The following TRPM3 variants were observed in gnomAD, a reference collection of about 807,000 sequenced individuals.
TRPM3 encodes the protein transient receptor potential cation channel subfamily M member 3.
TRPM3 carries 77 observed loss-of-function variants against 181.2 expected under a neutral mutation model. The ratio of observed to expected loss-of-function variants is 0.42; its 90% CI spans 0.35 to 0.51. TRPM3 has a LOEUF of 0.51. Among genes scored for constraint, TRPM3 ranks in the 20% least tolerant of loss-of-function variants. The pLI, the probability that TRPM3 is intolerant of heterozygous loss-of-function variation, is 0.01. For synonymous variants in TRPM3, 745 were observed against 796.4 expected (o/e 0.94, Z 1.09); for missense variants, 1,759 against 2,196.7 (o/e 0.80, Z 3.98).
chr9:70,560,402 A>C (rs2131990103), intron 22 of TRPM3, among the ~76,000 whole-genome samples: 1 of 152,350 alleles, frequency 6.6e-6, no homozygotes, highest in East Asian at 1.9e-4. Context: ...TTGCCAATGT[A>C]ATATTAGTGG....
At chr9:71,218,120 T>C (rs2080009803) in intron 1 of TRPM3, among the ~76,000 whole-genome samples, 1 of 152,236 alleles carries the variant, frequency 6.6e-6, no homozygotes, top group Admixed American at 6.5e-5. Flanking sequence ...CGTGGTTATT[T>C]AAATTTTAAT....
intron 1 of TRPM3, among the ~76,000 whole-genome samples, chr9:71,147,594 G>C (rs1010668773): frequency 2.6e-5 from 4 of 152,128 alleles, no homozygotes; most frequent in Non-Finnish European, 5.9e-5. Flanking sequence ...ACCCTCAAGA[G>C]ATCTGCGTTG....
intron 1 of TRPM3, among the ~76,000 whole-genome samples, chr9:71,196,464 A>G (rs1026557662): frequency 6.6e-6 from 1 of 151,782 alleles, no homozygotes; most frequent in South Asian, 2.1e-4. Context: ...TGCATATTCA[A>G]TATTTGCATA....
chr9:70,785,845 G>C (rs1030819695), intron 6 of TRPM3, among the ~76,000 whole-genome samples: 1 of 152,172 alleles, frequency 6.6e-6, no homozygotes, highest in Admixed American at 6.5e-5. Flanking sequence ...TGTTTTGCAT[G>C]TCCACTTAAA....
intron 1 of TRPM3, among the ~76,000 whole-genome samples, chr9:71,442,037 GTT>G (rs924928935): frequency 4.6e-5 from 7 of 152,202 alleles, no homozygotes; most frequent in Non-Finnish European, 8.8e-5. Context: ...CGAATGGTAG[GTT>G]TGTTTGTGGA....
chr9:71,165,483 T>C (rs1391810246), intron 1 of TRPM3, among the ~76,000 whole-genome samples: 1 of 152,040 alleles, frequency 6.6e-6, no homozygotes, highest in East Asian at 1.9e-4. Context: ...TAACAGCATG[T>C]TGAGTGGGAC....
chr9:71,174,680 CT>C (rs1204019986), intron 1 of TRPM3, among the ~76,000 whole-genome samples: 1 of 152,056 alleles, frequency 6.6e-6, no homozygotes. Context: ...CCATGAAAAA[CT>C]TTTAAAAACA....
chr9:70,871,719 C>A (rs115551435), intron 1 of TRPM3, among the ~76,000 whole-genome samples: 38 of 152,124 alleles, frequency 2.5e-4, no homozygotes, highest in African/African-American at 7.9e-4. Flanking sequence ...CAATGCAACT[C>A]CCAACAGGGT....
chr9:70,868,997 T>A, intron 1 of TRPM3: 2 of 985,208 alleles, frequency 2.0e-6, no homozygotes, highest in Non-Finnish European at 2.4e-6. Flanking sequence ...TGAGCACTGA[T>A]TCTGGGTACT....
intron 17 of TRPM3, among the ~76,000 whole-genome samples, chr9:70,618,454 T>C (rs2133160403): frequency 6.6e-6 from 1 of 152,352 alleles, no homozygotes; most frequent in South Asian, 2.1e-4. Context: ...GCACATCTGG[T>C]AAGAGCCAAT....
intron 2 of TRPM3, 102 bp from the exon 3 acceptor site, chr9:70,863,214 G>T: frequency 2.1e-6 from 2 of 935,428 alleles, no homozygotes; most frequent in Non-Finnish European, 3.2e-6. Flanking sequence ...GCCAACACCT[G>T]TCAGTCAATT....
At chr9:71,226,863 A>G (rs895598089) in intron 1 of TRPM3, among the ~76,000 whole-genome samples, 2 of 152,056 alleles carry the variant, frequency 1.3e-5, no homozygotes, top group Admixed American at 1.3e-4. Flanking sequence ...ACAAAAAATC[A>G]AACTTAATCT....
In TRPM3 at chr9:70,553,013, G is replaced by T. The variant is rs2046830547; in HGVS notation, c.3405C>A (p.Ser1135=). ...NNTFFEVKSI[S]NQVWKFQRYQ... is the part of the protein sequence containing the mutation. The stretch of plus-strand genomic sequence containing the variant: ...ACCTCTGAAACTTCCAGACTTGGTT[G>T]GATATCGATTTTACTTCAAAAAATG... Residue 1135 remains serine, a synonymous_variant, in exon 24 of 26, where the codon TCC becomes TCA. Coordinates refer to ENST00000677713, the MANE Select transcript of TRPM3 (RefSeq NM_001366145.2). The T allele has an allele frequency of 1.2e-6, 2 of 1,614,134 alleles. No individual in the cohort carries two copies. Among genetic ancestry groups the T allele is most frequent in the East Asian group, 2.2e-5 (1 of 44,884 alleles).
chr9:71,170,871 A>G (rs1353997210), intron 1 of TRPM3, among the ~76,000 whole-genome samples: 1 of 152,208 alleles, frequency 6.6e-6, no homozygotes, highest in East Asian at 1.9e-4. Context: ...GGAATAAGAG[A>G]GATAACCTTA....
intron 22 of TRPM3, among the ~76,000 whole-genome samples, chr9:70,570,305 T>A (rs1335193374): frequency 1.7e-4 from 2 of 11,768 alleles, no homozygotes; most frequent in Non-Finnish European, 5.9e-4. Flanking sequence ...TACTAGAGTT[T>A]TTTTTTTTTT....
At chr9:71,420,623 AAAAG>A (rs1472855366) in intron 1 of TRPM3, among the ~76,000 whole-genome samples, 9 of 144,330 alleles carry the variant, frequency 6.2e-5, no homozygotes, top group Admixed American at 1.4e-4. Context: ...GAAAGACAGA[AAAAG>A]AAAAAGAAAA....
intron 1 of TRPM3, among the ~76,000 whole-genome samples, chr9:71,441,312 T>G (rs1355932212): frequency 6.6e-6 from 1 of 152,152 alleles, no homozygotes; most frequent in Non-Finnish European, 1.5e-5. Flanking sequence ...CCCTTTTTTA[T>G]TTTTTTAACA....
chr9:71,368,656 A>C (rs917595398), intron 1 of TRPM3, among the ~76,000 whole-genome samples: 4 of 152,248 alleles, frequency 2.6e-5, no homozygotes, highest in Admixed American at 1.3e-4. Flanking sequence ...TAACAGCTTT[A>C]ATGATTTACT....
intron 1 of TRPM3, among the ~76,000 whole-genome samples, chr9:71,355,168 T>G (rs2091843603): frequency 6.6e-6 from 1 of 152,212 alleles, no homozygotes; most frequent in Non-Finnish European, 1.5e-5. Flanking sequence ...GTTCCTGTTA[T>G]ACATTGAATT....
Sources: gnomAD v4.1 joint callset for allele counts (sites outside exome capture counted in the v4.1 genomes callset) on GRCh38, gnomAD v4.1.1 for gene constraint, MANE v1.5 for transcripts, NCBI Gene and HGNC (gene_info 2026-07-23, HGNC 2026-07-21) for gene names.